POPDC3: variants seen among roughly 807,000 people sequenced by gnomAD.
POPDC3 encodes the protein popeye domain-containing protein 3.
POPDC3 carries 20 observed loss-of-function variants against 28.2 expected under a neutral mutation model. The observed-to-expected ratio is 0.71, with a 90% CI of 0.50 to 1.03. The LOEUF (loss-of-function observed/expected upper bound fraction) is 1.03, where lower values mean the gene tolerates loss of function less well. POPDC3 is among the 50% of genes least tolerant of loss of function. POPDC3 has a pLI of 0.00. For synonymous variants in POPDC3, 118 were observed against 124.1 expected, an observed-to-expected ratio of 0.95 and a Z score of 0.33; for missense variants, 316 against 345.9, an observed-to-expected ratio of 0.91 and a Z score of 0.69.
intron 2 of POPDC3, chr6:105,160,056 G>A (rs914718093): frequency 9.2e-6 from 3 of 326,872 alleles, no homozygotes; most frequent in Non-Finnish European, 1.7e-5. Flanking sequence ...AAATTCATCA[G>A]AAAATTCATC....
chr6:105,158,068 C>T lies in POPDC3; in HGVS notation c.*402G>A, dbSNP rs1774223253. On this transcript the variant is annotated 3_prime_UTR_variant, in exon 4 of 4. Coordinates refer to ENST00000254765, the MANE Select transcript of POPDC3 (RefSeq NM_022361.5). The stretch of plus-strand genomic sequence containing the variant: ...GCAAAAAAGTGAATTCCGGAAATGC[C>T]TATGTGGACAGTAGCAACCCACCCT... 6.6e-6 allele frequency among the ~76,000 whole-genome samples: 1 copy of T among 152,142 alleles called. No individual in the cohort carries two copies. Among genetic ancestry groups the T allele is most frequent in the Admixed American group, 6.5e-5 (1 of 15,274 alleles).
intron 1 of POPDC3, chr6:105,166,573 G>A: frequency 2.1e-6 from 1 of 471,260 alleles, no homozygotes; most frequent in Non-Finnish European, 4.4e-6. Context: ...CTCTTCATGT[G>A]TTCTCACTTC....
chr6:105,168,098 G>C (rs560724440), intron 1 of POPDC3, among the ~76,000 whole-genome samples: 7 of 152,310 alleles, frequency 4.6e-5, no homozygotes, highest in Admixed American at 2.0e-4. Context: ...ACATTCATAT[G>C]CTGCCATCAG....
chr6:105,173,300 C>A (rs7764316), intron 1 of POPDC3, among the ~76,000 whole-genome samples: 12,468 of 152,250 alleles, frequency 0.082, 1,046 homozygotes, highest in African/African-American at 0.22. Context: ...TTCTGTTTAT[C>A]TCTTTTTCTC....
chr6:105,159,944 A>C (rs770840831), intron 2 of POPDC3, 125 bp from the exon 3 acceptor site: 295 of 594,336 alleles, frequency 5.0e-4, no homozygotes, highest in Non-Finnish European at 6.7e-4. Flanking sequence ...TGATTTTGAA[A>C]GGCAAAATAT....
intron 1 of POPDC3, among the ~76,000 whole-genome samples, chr6:105,164,454 T>C (rs774300257): frequency 5.3e-5 from 8 of 152,218 alleles, no homozygotes; most frequent in Non-Finnish European, 1.2e-4. Flanking sequence ...TCCTTGATAC[T>C]GTACTGCTCA....
At chr6:105,174,545 C>A (rs908877293) in intron 1 of POPDC3, among the ~76,000 whole-genome samples, 1 of 152,190 alleles carries the variant, frequency 6.6e-6, no homozygotes, top group South Asian at 2.1e-4. Context: ...ACACGTTTGA[C>A]TTACAGTTTC....
At chr6:105,173,412 T>C (rs1198061939) in intron 1 of POPDC3, among the ~76,000 whole-genome samples, 2 of 152,210 alleles carry the variant, frequency 1.3e-5, no homozygotes, top group African/African-American at 4.8e-5. Flanking sequence ...TGTTTGGAAC[T>C]TGAATTCTAA....
Position 105,158,255 on chromosome 6 carries a change from C to T in POPDC3, c.*215G>A. The T allele has an allele frequency of 2.0e-6, 1 of 495,298 alleles. No individual in the cohort carries two copies. The highest frequency in any genetic ancestry group is 3.5e-6 in the Non-Finnish European group (1 of 282,548). 30.7% of individuals were successfully genotyped at this position (495,298 alleles called of 1,614,324 possible). On this transcript the variant is annotated 3_prime_UTR_variant, in exon 4 of 4. Transcript: ENST00000254765. ...GCAAACTGCCCATAGTTATCCACCCCCTCCCCAATTATAACAATGAGAAAT... is the reference window on the plus strand; with the variant it reads ...GCAAACTGCCCATAGTTATCCACCCTCTCCCCAATTATAACAATGAGAAAT...
At chr6:105,179,795 A>AGGC (rs1157424186) in intron 1 of POPDC3, 38 bp downstream of exon 1, 1 of 152,164 alleles carries the variant, frequency 6.6e-6, no homozygotes, top group Admixed American at 6.5e-5. Context: ...CAGCACCGGA[A>AGGC]GGCGGCGGAC....
rs1438200962 is a variant in POPDC3, at chr6:105,172,096, A to C, written c.-252+7737T>G. Among the ~76,000 whole-genome samples the C allele has an allele frequency of 3.4e-4, 51 of 151,378 alleles. 2 individuals carry two copies. The highest frequency in any genetic ancestry group is 1.5e-5 in the Non-Finnish European group (1 of 67,846). The stretch of plus-strand genomic sequence containing the variant: ...AAACTACCATCAGAGTGAACAGGCA[A>C]CCTACAAAATGGGAGAAAATTTTTG... On this transcript the variant is annotated intron_variant, in intron 1 of 3. Transcript: ENST00000254765.
Position 105,159,789 on chromosome 6 carries a change from C to T in POPDC3, c.516G>A (p.Leu172=), listed in dbSNP as rs34454094. 8,055 of 1,611,296 alleles carry T rather than the reference C, an allele frequency of 5.0e-3. 349 individuals are homozygous for T. The African/African-American group carries it at 0.095, about 19-fold the overall frequency. The change falls in exon 3 of 4, where the codon CTG becomes CTA. Residue 172 remains leucine, a synonymous_variant. Transcript: ENST00000254765. The part of the protein sequence containing the change: ...RIRVTVDGEF[L]HYIFPLQFLD... The stretch of plus-strand genomic sequence containing the variant: ...GGAACTGAAGGGGGAAAATGTAATG[C>T]AGAAATTCGCCATCAACTGTCACTC...
intron 1 of POPDC3, among the ~76,000 whole-genome samples, chr6:105,167,639 C>T (rs183622136): frequency 1.0e-3 from 151 of 151,322 alleles, no homozygotes; most frequent in African/African-American, 3.5e-3. Flanking sequence ...CCCAGCTACT[C>T]GGGAGGCTGA....
At position 105,172,219 on chromosome 6, in the gene POPDC3, C is replaced by T. The variant is rs538453475; in HGVS notation, c.-252+7614G>A. ...ACAAACAACCTCATCAACAAGTGGG[C>T]GAAGGAGATGAACAGACACTTCTCA... On this transcript the variant is annotated intron_variant, in intron 1 of 3. Transcript: ENST00000254765. Among the ~76,000 whole-genome samples, 31 of 151,112 alleles carry T rather than the reference C, an allele frequency of 2.1e-4. 1 individual carries two copies. Among genetic ancestry groups the T allele is most frequent in the Non-Finnish European group, 3.7e-4 (25 of 67,840 alleles).
At chr6:105,160,770 C>G (rs9486044) in intron 2 of POPDC3, among the ~76,000 whole-genome samples, 30,758 of 151,340 alleles carry the variant, frequency 0.2, 5,153 homozygotes, top group African/African-American at 0.47. Flanking sequence ...TTTTGTTTTT[C>G]TATTTTTTCA....
chr6:105,166,293 C>G (rs1774453594), intron 1 of POPDC3, among the ~76,000 whole-genome samples: 1 of 152,138 alleles, frequency 6.6e-6, no homozygotes, highest in South Asian at 2.1e-4. Flanking sequence ...ATTAAGACTG[C>G]AGGTCTTAAC....
chr6:105,161,559 C>A lies in POPDC3; in HGVS notation c.351G>T (p.Gln117His). 2 of 1,614,080 alleles carry A rather than the reference C, an allele frequency of 1.2e-6. No homozygotes were observed. The change falls in exon 2 of 4, where the codon CAG (glutamine) becomes CAT (histidine). Residue 117 changes from glutamine (Q) to histidine (H), a missense_variant. Transcript: ENST00000254765. ...EFQVLYSSLF[Q>H]PLGISLPVFR... ...AGACAGGCAAAGAGATCCCCAGGGG[C>A]TGGAAAAGGGAGCTGTACAACACTT... is the stretch of plus-strand genomic sequence containing the variant.
chr6:105,172,858 G>A (rs1311685703), intron 1 of POPDC3, among the ~76,000 whole-genome samples: 1 of 135,734 alleles, frequency 7.4e-6, no homozygotes, highest in Non-Finnish European at 1.6e-5. Context: ...GACACGGGAA[G>A]GGGAACATCA....
intron 2 of POPDC3, 111 bp downstream of exon 2, chr6:105,161,314 G>A: frequency 8.5e-7 from 1 of 1,179,030 alleles, no homozygotes; most frequent in South Asian, 1.5e-5. Context: ...CAAGCCTCAG[G>A]GTGCTAAATG....
Sources: allele counts gnomAD v4.1 joint callset (sites outside exome capture counted in the v4.1 genomes callset), GRCh38; gene constraint gnomAD v4.1.1; transcripts MANE v1.5; gene names NCBI Gene and HGNC (gene_info 2026-07-23, HGNC 2026-07-21).